Variants in CHI3L2 observed in about 807,000 individuals in gnomAD.
CHI3L2 encodes the protein chitinase 3 like 2.
CHI3L2 carries 47 observed loss-of-function variants against 47.3 expected under a neutral mutation model. That is an observed-to-expected ratio of 0.99 (90% CI 0.79 to 1.27). The LOEUF is 1.27. Among genes scored for constraint, CHI3L2 ranks in the 50% most tolerant of loss-of-function variants. CHI3L2 has a pLI of 0.00. For missense variants in CHI3L2, 497 were observed against 462.1 expected (o/e 1.08, Z -0.69); for synonymous variants, 198 against 169.9 (o/e 1.17, Z -1.28).
At chr1:111,235,165 G>T in intron 5 of CHI3L2, 108 bp downstream of exon 5, 1 of 1,169,076 alleles carries the variant, frequency 8.6e-7, no homozygotes, top group Non-Finnish European at 1.2e-6. Context: ...AGGAGATTGA[G>T]TCTAACAGCC....
chr1:111,230,100 C>T (rs987865464), intron 2 of CHI3L2, among the ~76,000 whole-genome samples: 1 of 152,080 alleles, frequency 6.6e-6, no homozygotes, highest in African/African-American at 2.4e-5. Flanking sequence ...TCCCCCATAG[C>T]TGGCCTCAAT....
chr1:111,241,385 A>G lies in CHI3L2; in HGVS notation c.977A>G (p.Tyr326Cys), dbSNP rs1462622235. 2 of 1,610,658 alleles carry G rather than the reference A, an allele frequency of 1.2e-6. No homozygotes were observed. The highest frequency in any genetic ancestry group is 8.5e-7 in the Non-Finnish European group (1 of 1,176,770). ...CGGCTCCAGGATCAGCAGGTTCCCT[A>G]CGCAGTCAAGGGGAACCAGTGGGTG... The part of the protein sequence containing the change: ...ITRLQDQQVP[Y>C]AVKGNQWVGY... The change falls in exon 9 of 11, where the codon TAC becomes TGC. Residue 326 changes from tyrosine to cysteine, a missense_variant. By Grantham distance (194) the Tyr-to-Cys change is radical. Coordinates refer to ENST00000369748, the MANE Select transcript of CHI3L2 (RefSeq NM_004000.3).
At chr1:111,235,482 A>G (rs1659853138) in intron 5 of CHI3L2, among the ~76,000 whole-genome samples, 157 bp from the exon 6 acceptor site, 1 of 152,210 alleles carries the variant, frequency 6.6e-6, no homozygotes, top group Non-Finnish European at 1.5e-5. Flanking sequence ...CTTCCTGAGC[A>G]GATACAGGCA....
In CHI3L2 at chr1:111,240,341, G is replaced by A. The variant is rs557941438; in HGVS notation, c.919-986G>A. On this transcript the variant is annotated intron_variant, in intron 8 of 10. Transcript: ENST00000369748. ...CAATTGGCAACAAGAATGGGACATG[G>A]GTCATTGTGAGAGTCCTCATTGAAT... 1.1e-4 allele frequency among the ~76,000 whole-genome samples: 16 copies of A among 152,314 alleles called. No homozygotes were observed. In the East Asian group the frequency reaches 2.9e-3, roughly 28 times the overall value.
chr1:111,232,581 C>T (rs1261592353), intron 4 of CHI3L2, among the ~76,000 whole-genome samples: 1 of 152,160 alleles, frequency 6.6e-6, no homozygotes, highest in Non-Finnish European at 1.5e-5. Context: ...GTTGTAAAGG[C>T]AGGCAACGCA....
chr1:111,239,038 A>G, intron 8 of CHI3L2, 106 bp downstream of exon 8: 1 of 1,131,446 alleles, frequency 8.8e-7, no homozygotes, highest in South Asian at 1.6e-5. Flanking sequence ...CGAAGGGGAA[A>G]GGGCAGAGTA....
At chr1:111,239,602 G>T (rs1354178121) in intron 8 of CHI3L2, among the ~76,000 whole-genome samples, 1 of 152,184 alleles carries the variant, frequency 6.6e-6, no homozygotes, top group Non-Finnish European at 1.5e-5. Context: ...CCAGATCTGT[G>T]CCAAAGACCT....
At chr1:111,229,152 G>A (rs761234176) in intron 1 of CHI3L2, among the ~76,000 whole-genome samples, 69 of 152,054 alleles carry the variant, frequency 4.5e-4, no homozygotes, top group Non-Finnish European at 9.0e-4. Context: ...TAAACTATAT[G>A]GTCACCCTAC....
intron 8 of CHI3L2, chr1:111,239,228 G>A: frequency 3.5e-6 from 1 of 288,740 alleles, no homozygotes; most frequent in Non-Finnish European, 6.3e-6. Flanking sequence ...CTTGATTTGA[G>A]CAGCTAAGTG....
In CHI3L2 at chr1:111,235,744, CAA is replaced by C; in HGVS notation, c.587_588del (p.Gln196ArgfsTer2). ...AGRQMIDNSY[Q>X]VEKLAKDLDF... ...GAGGCAAATGATTGATAACAGCTAT[CAA>C]GTTGAGAAACTGGCAAAGTGAGTAC... On this transcript the variant is annotated frameshift_variant, in exon 6 of 11. Coordinates refer to ENST00000369748, the MANE Select transcript of CHI3L2 (RefSeq NM_004000.3). LOFTEE classifies it high-confidence loss of function. The C allele has an allele frequency of 6.2e-7, 1 of 1,613,908 alleles. No individual in the cohort carries two copies. Among genetic ancestry groups the C allele is most frequent in the Non-Finnish European group, 8.5e-7 (1 of 1,179,908 alleles).
At chr1:111,241,743 G>A (rs891757706) in intron 9 of CHI3L2, among the ~76,000 whole-genome samples, 11 of 152,300 alleles carry the variant, frequency 7.2e-5, no homozygotes, top group South Asian at 4.1e-4. Context: ...TAAAGGAGAC[G>A]TTGGTGCCTG....
rs1298428295 is a variant in CHI3L2 at position 111,242,284 on chromosome 1, G to T, written c.1093G>T (p.Asp365Tyr). The T allele has an allele frequency of 6.2e-6, 10 of 1,614,076 alleles. No individual in the cohort carries two copies. In the South Asian group the frequency reaches 1.1e-4, roughly 18 times the overall value. ...GGAMIWSIDM[D>Y]DFTGKSCNQG... ...AGCCATGATCTGGTCTATTGACATG[G>T]ATGACTTCACTGGCAAATCCTGCAA... is the stretch of plus-strand genomic sequence containing the variant. Residue 365 changes from aspartate (D) to tyrosine (Y), a missense_variant, in exon 10 of 11, where the codon GAT (aspartate) becomes TAT (tyrosine). By Grantham distance (160) the Asp-to-Tyr change is radical. Transcript: ENST00000369748.
rs576967663 is a variant in CHI3L2, at chr1:111,241,648, C to T, written c.1035+205C>T. On this transcript the variant is annotated intron_variant, in intron 9 of 10. Transcript: ENST00000369748. ...GTACAGGTAGAAGAGTTGGAAAGGA[C>T]GCAAAAAAGAATTGAGAACAAGTAA... Among the ~76,000 whole-genome samples the T allele has an allele frequency of 3.8e-4, 58 of 151,772 alleles. 2 individuals are homozygous for T. The highest frequency in any genetic ancestry group is 1.3e-3 in the African/African-American group (55 of 41,354).
At chr1:111,233,007 C>G (rs1223967361) in intron 4 of CHI3L2, among the ~76,000 whole-genome samples, 1 of 152,150 alleles carries the variant, frequency 6.6e-6, no homozygotes, top group Non-Finnish European at 1.5e-5. Flanking sequence ...ATTCAAGGCT[C>G]TAAGAAAGCC....
intron 1 of CHI3L2, among the ~76,000 whole-genome samples, chr1:111,229,456 G>A (rs1307619264): frequency 6.6e-6 from 1 of 151,736 alleles, no homozygotes; most frequent in Non-Finnish European, 1.5e-5. Context: ...GCCGAGGCGG[G>A]CGGATCACGA....
intron 3 of CHI3L2, 52 bp downstream of exon 3, chr1:111,230,995 C>A: frequency 6.9e-7 from 1 of 1,456,566 alleles, no homozygotes; most frequent in Non-Finnish European, 9.6e-7. Context: ...AGGAGGGAAG[C>A]TGGTCTTAAG....
intron 1 of CHI3L2, among the ~76,000 whole-genome samples, chr1:111,229,397 C>G (rs1194477358): frequency 6.6e-6 from 1 of 152,132 alleles, no homozygotes; most frequent in Non-Finnish European, 1.5e-5. Context: ...ATAAAGAAAC[C>G]ACAGGCCGGG....
intron 7 of CHI3L2, among the ~76,000 whole-genome samples, chr1:111,236,698 C>T (rs1234786181): frequency 6.6e-6 from 1 of 151,946 alleles, no homozygotes; most frequent in African/African-American, 2.4e-5. Context: ...TGGAACATAA[C>T]TTATCCACCC....
chr1:111,242,198 C>T (rs765813598), intron 9 of CHI3L2, 29 bp from the exon 10 acceptor site: 7 of 1,613,896 alleles, frequency 4.3e-6, no homozygotes, highest in South Asian at 1.1e-5. Flanking sequence ...CCCTTCGAAT[C>T]TCTGTGTATC....
Sources: allele counts gnomAD v4.1 joint callset (sites outside exome capture counted in the v4.1 genomes callset), GRCh38; gene constraint gnomAD v4.1.1; transcripts MANE v1.5; gene names NCBI Gene and HGNC (gene_info 2026-07-23, HGNC 2026-07-21).